IGF2R: variants seen among roughly 807,000 people sequenced by gnomAD.
IGF2R encodes insulin like growth factor 2 receptor.
In IGF2R, 91 loss-of-function variants were observed where a neutral mutation model predicts 270.6. That is an observed-to-expected ratio of 0.34 (90% confidence interval 0.28 to 0.40). The LOEUF (loss-of-function observed/expected upper bound fraction) is 0.40. IGF2R is among the 10% of genes least tolerant of loss of function. The probability of loss-of-function intolerance (pLI) is 1.00; values close to 1 mark genes in which losing one functional copy is unlikely to be tolerated. For missense variants in IGF2R, 2,805 were observed against 3,188.3 expected (o/e 0.88, Z 2.90); for synonymous variants, 1,316 against 1,258.9 (o/e 1.05, Z -0.96).
chr6:160,089,025 G>T, intron 42 of IGF2R, 82 bp from the exon 43 acceptor site: 1 of 1,438,612 alleles, frequency 7.0e-7, no homozygotes, highest in Non-Finnish European at 9.5e-7. Context: ...TGCTTCAAGG[G>T]CTCCGCAGTG....
rs183367962 is a variant in IGF2R at position 160,023,599 on chromosome 6, C to T, written c.514-973C>T. ...TAACTGTCATTATTCCAGTATGGCA[C>T]GTGGGGAAGCTGAGGCATGGAGGTT... On this transcript the variant is annotated intron_variant, in intron 4 of 47. Coordinates refer to ENST00000356956, the MANE Select transcript of IGF2R (RefSeq NM_000876.4). Among the ~76,000 whole-genome samples, 7 of 152,222 alleles carry T rather than the reference C, an allele frequency of 4.6e-5. No individual in the cohort carries two copies. The East Asian group carries it at 5.8e-4, about 13-fold the overall frequency.
chr6:160,065,814 GTATATATATATATATATATA>G (rs59035193), intron 29 of IGF2R, among the ~76,000 whole-genome samples: 1 of 78,392 alleles, frequency 1.3e-5, no homozygotes, highest in Admixed American at 1.6e-4. Context: ...GTGTGTGTGT[GTATATATATATATATATATA>G]TATATATATA....
Position 160,069,939 on chromosome 6 carries a change from G to A in IGF2R, c.4324G>A (p.Asp1442Asn). 1 of 1,614,236 alleles carries A rather than the reference G, an allele frequency of 6.2e-7. No homozygotes were observed. Among genetic ancestry groups the A allele is most frequent in the East Asian group, 2.2e-5 (1 of 44,888 alleles). The change falls in exon 31 of 48, where the codon GAC (aspartate) becomes AAC (asparagine). Residue 1442 changes from aspartate (D) to asparagine (N), a missense_variant. Asp to Asn is a conservative substitution (Grantham distance 23). Transcript: ENST00000356956. ...GCCCGTGAACCTCGGCAGGGTAAGG[G>A]ACGGACCTCAGTGGAGAGATGGCAT... ...SKPVNLGRVRDGPQWRDGIIV... is the reference protein window; with the variant it reads ...SKPVNLGRVRNGPQWRDGIIV...
intron 29 of IGF2R, among the ~76,000 whole-genome samples, chr6:160,065,531 T>C (rs1778551201): frequency 6.6e-6 from 1 of 152,176 alleles, no homozygotes; most frequent in South Asian, 2.1e-4. Context: ...TAGTAATTTA[T>C]GTTCAGTGAC....
chr6:160,025,760 C>T (rs1777546887), intron 5 of IGF2R, among the ~76,000 whole-genome samples: 1 of 151,968 alleles, frequency 6.6e-6, no homozygotes, highest in Non-Finnish European at 1.5e-5. Context: ...CTAATACAGT[C>T]TTTGTCTTAA....
intron 1 of IGF2R, among the ~76,000 whole-genome samples, chr6:159,972,183 A>G (rs1783618999): frequency 6.6e-6 from 1 of 151,962 alleles, no homozygotes; most frequent in Non-Finnish European, 1.5e-5. Context: ...CTCCATTTTA[A>G]TTTTGTTCCT....
At chr6:160,032,518 T>C (rs1777719470) in intron 7 of IGF2R, 33 bp from the exon 8 acceptor site, 1 of 1,596,106 alleles carries the variant, frequency 6.3e-7, no homozygotes, top group Non-Finnish European at 8.6e-7. Flanking sequence ...TGAAACATTT[T>C]TTATTTTGCT....
In IGF2R at chr6:160,102,068, T is replaced by C. The variant is rs1042339414; in HGVS notation, c.6843-451T>C. The stretch of plus-strand genomic sequence containing the variant: ...GTTTCTAAGGCCCCCTGGGCCCCTT[T>C]CGTGTGGAGATGGTGTCTCATGGTG... On this transcript the variant is annotated intron_variant, in intron 45 of 47. Transcript: ENST00000356956. This position sits in a 1 kb window ranked among gnomAD's most constrained non-coding sequence, Gnocchi z 4.5. 3.3e-5 allele frequency among the ~76,000 whole-genome samples: 5 copies of C among 152,174 alleles called. No homozygotes were observed. Among genetic ancestry groups the C allele is most frequent in the Admixed American group, 2.0e-4 (3 of 15,288 alleles).
At chr6:160,058,163 CA>C in intron 21 of IGF2R, 39 bp downstream of exon 21, 1 of 1,377,698 alleles carries the variant, frequency 7.3e-7, no homozygotes, top group South Asian at 1.2e-5. Flanking sequence ...TGCTTTGAAA[CA>C]GGGGGAGAGT....
At chr6:160,091,147 G>T (rs1380796588) in intron 44 of IGF2R, among the ~76,000 whole-genome samples, 1 of 133,916 alleles carries the variant, frequency 7.5e-6, no homozygotes, top group Non-Finnish European at 1.6e-5. Context: ...CCGTGCCCTG[G>T]TGCTGAGCAC....
chr6:160,084,598 C>G lies in IGF2R; in HGVS notation c.6069-397C>G, dbSNP rs1368534880. Among the ~76,000 whole-genome samples the G allele has an allele frequency of 6.6e-6, 1 of 152,128 alleles. No individual in the cohort carries two copies. The highest frequency in any genetic ancestry group is 1.5e-5 in the Non-Finnish European group (1 of 68,026). The stretch of plus-strand genomic sequence containing the variant: ...CTCTGCGTGGGGAGCGCCCGCTTGG[C>G]CAGGTGCTCCTGCAAGACATCACCG... On this transcript the variant is annotated intron_variant, in intron 40 of 47. Coordinates refer to ENST00000356956, the MANE Select transcript of IGF2R (RefSeq NM_000876.4). The surrounding 1 kb of genome is among the most constrained non-coding windows in gnomAD (Gnocchi z 4.6).
chr6:160,096,542 G>A lies in IGF2R; in HGVS notation c.6759G>A (p.Glu2253=), dbSNP rs770296957. 3 of 1,614,146 alleles carry A rather than the reference G, an allele frequency of 1.9e-6. No homozygotes were observed. In the South Asian group the frequency reaches 3.3e-5, roughly 18 times the overall value. ...TIFFHCDPLV[E]DGIPEFSHET... ...TCTTCCACTGTGACCCTCTGGTGGA[G>A]GACGGGATCCCCGAGTTCAGTCACG... The change falls in exon 45 of 48, where the codon GAG becomes GAA. Residue 2253 remains glutamate (E), a synonymous_variant. Transcript: ENST00000356956.
At chr6:160,030,229 A>G (rs1227984842) in intron 7 of IGF2R, among the ~76,000 whole-genome samples, 4 of 152,170 alleles carry the variant, frequency 2.6e-5, no homozygotes, top group African/African-American at 9.7e-5. Context: ...CAGCGCCTGC[A>G]AGTGTTTTAA....
chr6:159,973,400 A>G (rs1783641451), intron 1 of IGF2R, among the ~76,000 whole-genome samples: 1 of 152,234 alleles, frequency 6.6e-6, no homozygotes, highest in African/African-American at 2.4e-5. Flanking sequence ...GGTAGTTAAG[A>G]GCTTCAAAAT....
intron 44 of IGF2R, chr6:160,095,463 C>T (rs1779335401): frequency 6.6e-6 from 1 of 152,212 alleles, no homozygotes; most frequent in African/African-American, 2.4e-5. Context: ...TGAAGTTTTG[C>T]ACAAAATTCT....
At chr6:159,997,686 CA>C (rs1455492711) in intron 2 of IGF2R, among the ~76,000 whole-genome samples, 1 of 152,128 alleles carries the variant, frequency 6.6e-6, no homozygotes, top group Non-Finnish European at 1.5e-5. Flanking sequence ...CGTTTCATCC[CA>C]GGGGTTCTCC....
At chr6:160,014,047 G>A (rs948737158) in intron 4 of IGF2R, among the ~76,000 whole-genome samples, 3 of 152,110 alleles carry the variant, frequency 2.0e-5, no homozygotes, top group African/African-American at 4.8e-5. Context: ...GTCACATTTA[G>A]AATGATTTTG....
At chr6:160,093,440 C>G in intron 44 of IGF2R, 1 of 381,792 alleles carries the variant, frequency 2.6e-6, no homozygotes. Context: ...AGGCCTCCAC[C>G]TTACTGCACG....
chr6:160,099,406 G>T (rs757747224), intron 45 of IGF2R, among the ~76,000 whole-genome samples: 1 of 151,700 alleles, frequency 6.6e-6, no homozygotes, highest in Non-Finnish European at 1.5e-5. Flanking sequence ...TCTCGCTCTC[G>T]CCCAGGCTGG....
Sources: allele counts gnomAD v4.1 joint callset (sites outside exome capture counted in the v4.1 genomes callset), GRCh38; gene constraint gnomAD v4.1.1; non-coding constraint Gnocchi (gnomAD v3.1); transcripts MANE v1.5; gene names NCBI Gene and HGNC (gene_info 2026-07-23, HGNC 2026-07-21).